DYNC2I1: variants seen among roughly 807,000 people sequenced by gnomAD.
DYNC2I1 encodes the protein dynein 2 intermediate chain 1.
A neutral mutation model predicts 133.4 loss-of-function variants in DYNC2I1; 89 were observed. That is an observed-to-expected ratio of 0.67 (90% confidence interval 0.56 to 0.80). The LOEUF is 0.80. Ranked by LOEUF, DYNC2I1 falls within the 30% of genes least tolerant of loss-of-function variation. The pLI is 0.00. For synonymous variants in DYNC2I1, 504 were observed against 484.3 expected, an observed-to-expected ratio of 1.04 and a Z score of -0.54; for missense variants, 1,291 against 1,314.5, an observed-to-expected ratio of 0.98 and a Z score of 0.28.
At chr7:158,865,161 T>G (rs1842295443) in intron 1 of DYNC2I1, among the ~76,000 whole-genome samples, 1 of 152,256 alleles carries the variant, frequency 6.6e-6, no homozygotes, top group South Asian at 2.1e-4. Flanking sequence ...AGTGAGGTTT[T>G]GGCTTCACCA....
chr7:158,842,669 G>A, the DYNC2I1 span, among the ~76,000 whole-genome samples: 1 of 152,248 alleles, frequency 6.6e-6, no homozygotes, highest in Admixed American at 6.5e-5. Context: ...ATGAGTGGAA[G>A]TGAAGAAGGT....
chr7:158,915,380 AACGTCG>A, intron 14 of DYNC2I1, among the ~76,000 whole-genome samples: 2 of 114,596 alleles, frequency 1.7e-5, no homozygotes, highest in Admixed American at 8.8e-5. Context: ...ATGATTGTGA[AACGTCG>A]ACATGCTGGT....
chr7:158,914,702 TA>T (rs1487142158), intron 14 of DYNC2I1, among the ~76,000 whole-genome samples: 7 of 152,168 alleles, frequency 4.6e-5, no homozygotes, highest in African/African-American at 1.4e-4. Context: ...TGAAAAATTT[TA>T]AAAATCCATA....
intron 4 of DYNC2I1, among the ~76,000 whole-genome samples, chr7:158,953,034 G>A (rs750396909): frequency 3.9e-5 from 6 of 152,178 alleles, no homozygotes; most frequent in Non-Finnish European, 8.8e-5. Flanking sequence ...GGTGGCATCC[G>A]CACCCATGGG....
In DYNC2I1 at chr7:158,857,534, G is replaced by GTTTTTTTTTTT. The variant is rs374994955; in HGVS notation, c.15+789_15+790insTTTTTTTTTTT. Among the ~76,000 whole-genome samples, 7 of 131,414 alleles carry GTTTTTTTTTTT rather than the reference G, an allele frequency of 5.3e-5. 1 individual carries two copies. The highest frequency in any genetic ancestry group is 2.2e-4 in the African/African-American group (7 of 32,134). 86.2% of individuals were successfully genotyped at this position (131,414 alleles called of 152,430 possible). ...GTATTTTATGTTATATAAACCTTAG[G>GTTTTTTTTTTT]TTTTTGTTTTTTTTTTTTTTTTGAG... On this transcript the variant is annotated intron_variant, in intron 1 of 24. Coordinates refer to ENST00000407559, the MANE Select transcript of DYNC2I1 (RefSeq NM_018051.5).
At chr7:158,921,701 G>T (rs1374620336) in intron 15 of DYNC2I1, among the ~76,000 whole-genome samples, 2 of 152,040 alleles carry the variant, frequency 1.3e-5, no homozygotes, top group African/African-American at 2.4e-5. Context: ...GGTGTTTGTG[G>T]TGTGTGTGTG....
At chr7:158,935,226 A>G (rs1248613466) in intron 23 of DYNC2I1, among the ~76,000 whole-genome samples, 1 of 152,234 alleles carries the variant, frequency 6.6e-6, no homozygotes, top group Non-Finnish European at 1.5e-5. Flanking sequence ...CTCATGCTGC[A>G]GGAAATGTGT....
chr7:158,902,072 T>TA (rs1846309520), intron 9 of DYNC2I1, among the ~76,000 whole-genome samples: 1 of 152,220 alleles, frequency 6.6e-6, no homozygotes, highest in African/African-American at 2.4e-5. Flanking sequence ...GATGTATACA[T>TA]AGGTATCTAT....
chr7:158,875,612 A>G (rs527936128), intron 3 of DYNC2I1, among the ~76,000 whole-genome samples: 50 of 152,212 alleles, frequency 3.3e-4, no homozygotes, highest in African/African-American at 1.2e-3. Flanking sequence ...TGCAGGTCAT[A>G]CTGGGCCTTG....
chr7:158,863,647 C>T (rs1227400734), intron 1 of DYNC2I1, among the ~76,000 whole-genome samples: 2 of 33,700 alleles, frequency 5.9e-5, no homozygotes, highest in Non-Finnish European at 9.5e-5. Flanking sequence ...GTGAGCGGGA[C>T]GTCCTTAGCT....
chr7:158,855,617 C>T (rs1348100672), upstream of DYNC2I1, among the ~76,000 whole-genome samples: 1 of 152,166 alleles, frequency 6.6e-6, no homozygotes, highest in Non-Finnish European at 1.5e-5. Context: ...CTAAGTTTCT[C>T]CCAAAGTTAG....
intron 7 of DYNC2I1, 98 bp from the exon 8 acceptor site, chr7:158,891,166 TG>T: frequency 7.6e-7 from 1 of 1,320,020 alleles, no homozygotes; most frequent in Non-Finnish European, 1.1e-6. Flanking sequence ...TGCTGAGGGC[TG>T]GCGGGCTCCG....
intron 6 of DYNC2I1, 112 bp from the exon 7 acceptor site, chr7:158,886,909 T>A: frequency 9.8e-7 from 1 of 1,023,654 alleles, no homozygotes; most frequent in Non-Finnish European, 1.5e-6. Flanking sequence ...TTGTAGTAGT[T>A]CTTAATCATA....
intron 11 of DYNC2I1, among the ~76,000 whole-genome samples, chr7:158,907,357 A>G (rs1346490987): frequency 6.7e-6 from 1 of 149,162 alleles, no homozygotes; most frequent in East Asian, 2.0e-4. Context: ...TTATAAACTC[A>G]GAAATAAAGC....
chr7:158,839,736 C>T, the DYNC2I1 span, among the ~76,000 whole-genome samples: 1 of 151,868 alleles, frequency 6.6e-6, no homozygotes, highest in Non-Finnish European at 1.5e-5. Flanking sequence ...AGGAGAATGG[C>T]GTGAACCCGG....
intron 24 of DYNC2I1, among the ~76,000 whole-genome samples, chr7:158,943,073 A>G (rs1851533494): frequency 6.6e-6 from 1 of 152,140 alleles, no homozygotes; most frequent in South Asian, 2.1e-4. Flanking sequence ...GGGGAGAGAA[A>G]TCCCACAGCC....
At position 158,884,633 on chromosome 7, in the gene DYNC2I1, G is replaced by T. The variant is rs781427128; in HGVS notation, c.935+14G>T. 1 of 1,612,536 alleles carries T rather than the reference G, an allele frequency of 6.2e-7. No individual in the cohort carries two copies. Among genetic ancestry groups the T allele is most frequent in the Non-Finnish European group, 8.5e-7 (1 of 1,179,246 alleles). ...GACCAGCAGCCAGTAAGGATTGCAT[G>T]CCCTGTGGTCGACCTTTACGTGTGC... On this transcript the variant is annotated intron_variant, in intron 6 of 24. Transcript: ENST00000407559.
chr7:158,898,942 CTG>C (rs749630185), intron 8 of DYNC2I1, among the ~76,000 whole-genome samples: 3 of 151,762 alleles, frequency 2.0e-5, no homozygotes, highest in African/African-American at 7.3e-5. Flanking sequence ...TTGAATAAGA[CTG>C]TATCACTCCC....
intron 1 of DYNC2I1, among the ~76,000 whole-genome samples, chr7:158,864,561 T>C (rs1842234566): frequency 6.6e-6 from 1 of 152,106 alleles, no homozygotes; most frequent in Non-Finnish European, 1.5e-5. Context: ...TGGGCTGGAG[T>C]GCAGTGGCAG....
Sources: allele counts gnomAD v4.1 joint callset (sites outside exome capture counted in the v4.1 genomes callset), GRCh38; gene constraint gnomAD v4.1.1; transcripts MANE v1.5; gene names NCBI Gene and HGNC (gene_info 2026-07-23, HGNC 2026-07-21).